The following EFNA3 variants were observed in gnomAD, a reference collection of about 807,000 sequenced individuals.
The protein encoded by EFNA3 is ephrin-A3.
In EFNA3, 15 loss-of-function variants were observed where a neutral mutation model predicts 25.0. The observed-to-expected ratio is 0.60, with a 90% confidence interval of 0.40 to 0.92. The LOEUF (loss-of-function observed/expected upper bound fraction) is 0.92, where lower values mean the gene tolerates loss of function less well. Among genes scored for constraint, EFNA3 ranks in the 40% least tolerant of loss-of-function variants. The pLI is 0.00. For synonymous variants in EFNA3, 153 were observed against 145.6 expected (o/e 1.05, Z -0.37); for missense variants, 298 against 323.8 (o/e 0.92, Z 0.61).
rs1194357621 is a variant in EFNA3, at chr1:155,080,894, G to C, written c.128+1825G>C. On this transcript the variant is annotated intron_variant, in intron 1 of 4. Coordinates refer to ENST00000368408, the MANE Select transcript of EFNA3 (RefSeq NM_004952.5). The surrounding 1 kb of genome is among the most constrained non-coding windows in gnomAD (Gnocchi z 7.0). Reference sequence around the variant, plus strand: ...GGGCCTTTGTTGCCGCTGCGCCCGGGCTCCCCGGCTCCCTCACTGCGGCAG... The same window carrying C: ...GGGCCTTTGTTGCCGCTGCGCCCGGCCTCCCCGGCTCCCTCACTGCGGCAG... 6.6e-6 allele frequency among the ~76,000 whole-genome samples: 1 copy of C among 152,182 alleles called. No individual in the cohort carries two copies. Among genetic ancestry groups the C allele is most frequent in the Non-Finnish European group, 1.5e-5 (1 of 68,006 alleles).
rs1571665428 is a variant in EFNA3 at position 155,086,694 on chromosome 1, C to G, written c.*151C>G. ...CACCATACATCTGTGTCCGCCCCCT[C>G]TACCCCTTCCCCCCACGTAGGGCAC... On this transcript the variant is annotated 3_prime_UTR_variant, in exon 5 of 5. Coordinates refer to ENST00000368408, the MANE Select transcript of EFNA3 (RefSeq NM_004952.5). 2.1e-6 allele frequency: 2 copies of G among 953,946 alleles called. No individual in the cohort carries two copies. The highest frequency in any genetic ancestry group is 1.7e-5 in the South Asian group (1 of 59,784). 59.1% of individuals were successfully genotyped at this position (953,946 alleles called of 1,614,324 possible).
chr1:155,085,620 G>A lies in EFNA3; in HGVS notation c.442+216G>A. Reference sequence around the variant, plus strand: ...GAGTTTGGTGACAGTCCCAAGTTTGGGCTGCGGAGAATCGCTGTTTCTGTG... The same window carrying A: ...GAGTTTGGTGACAGTCCCAAGTTTGAGCTGCGGAGAATCGCTGTTTCTGTG... On this transcript the variant is annotated intron_variant, in intron 2 of 4. Transcript: ENST00000368408. The surrounding 1 kb of genome is among the most constrained non-coding windows in gnomAD (Gnocchi z 4.4). 1.4e-6 allele frequency: 1 copy of A among 701,934 alleles called. No individual in the cohort carries two copies. Among genetic ancestry groups the A allele is most frequent in the Non-Finnish European group, 2.3e-6 (1 of 430,398 alleles). The allele number at this position is 701,934 out of a possible 1,614,324, so 43.5% of individuals were successfully genotyped here. A position where few individuals can be genotyped will look rare whatever the true frequency, so the allele number is the denominator to read the frequency against.
chr1:155,085,177 G>T lies in EFNA3; in HGVS notation c.215G>T (p.Gly72Val), dbSNP rs1408695450. 4 of 1,555,416 alleles carry T rather than the reference G, an allele frequency of 2.6e-6. No individual in the cohort carries two copies. Among genetic ancestry groups the T allele is most frequent in the Non-Finnish European group, 3.5e-6 (4 of 1,137,144 alleles). The change falls in exon 2 of 5, where the codon GGC becomes GTC. Residue 72 changes from glycine (G) to valine (V), a missense_variant. Gly to Val is a moderately radical substitution (Grantham distance 109). Coordinates refer to ENST00000368408, the MANE Select transcript of EFNA3 (RefSeq NM_004952.5). The surrounding 1 kb of genome is among the most constrained non-coding windows in gnomAD (Gnocchi z 4.4). Reference protein sequence around the residue: ...YCPHYNSSGVGPGAGPGPGGG... With the variant: ...YCPHYNSSGVVPGAGPGPGGG... ...CCGCACTACAACAGCTCGGGGGTGG[G>T]CCCCGGGGCGGGACCGGGGCCCGGA...
At position 155,078,861 on chromosome 1, in the gene EFNA3, G is replaced by T. The variant is rs1455128841; in HGVS notation, c.-81G>T. ...TGGCCTAAGGCTGGGGGCCGACGGC[G>T]GCGGCAGCAGGGAGCTGGGAAGCGG... On this transcript the variant is annotated 5_prime_UTR_variant, in exon 1 of 5. Coordinates refer to ENST00000368408, the MANE Select transcript of EFNA3 (RefSeq NM_004952.5). The T allele has an allele frequency of 2.3e-6, 3 of 1,301,162 alleles. No homozygotes were observed. Among genetic ancestry groups the T allele is most frequent in the African/African-American group, 1.6e-5 (1 of 63,964 alleles). The allele number at this position is 1,301,162 out of a possible 1,614,324, so 80.6% of individuals were successfully genotyped here.
At chr1:155,082,748 G>C (rs1287552097) in intron 1 of EFNA3, among the ~76,000 whole-genome samples, 1 of 152,222 alleles carries the variant, frequency 6.6e-6, no homozygotes, top group Non-Finnish European at 1.5e-5. Context: ...CCTTCCGCAG[G>C]AGGCGCGGCC....
rs569176633 is a variant in EFNA3, at chr1:155,086,563, G to T, written c.*20G>T. ...TCCTAGCTCTGCCCCCTCCCCTGGG[G>T]GGGGAGAGATGGGGCGGGGCTTGGA... On this transcript the variant is annotated 3_prime_UTR_variant, in exon 5 of 5. Transcript: ENST00000368408. 131 of 1,612,458 alleles carry T rather than the reference G, an allele frequency of 8.1e-5. 2 individuals carry two copies. In the East Asian group the frequency reaches 1.6e-3, roughly 20 times the overall value.
In EFNA3 at chr1:155,079,179, C is replaced by A; in HGVS notation, c.128+110C>A. 1 of 1,142,656 alleles carries A rather than the reference C, an allele frequency of 8.8e-7. No individual in the cohort carries two copies. Among genetic ancestry groups the A allele is most frequent in the Non-Finnish European group, 1.1e-6 (1 of 899,232 alleles). The allele number at this position is 1,142,656 out of a possible 1,614,324, so 70.8% of individuals were successfully genotyped here. On this transcript the variant is annotated intron_variant, in intron 1 of 4. Coordinates refer to ENST00000368408, the MANE Select transcript of EFNA3 (RefSeq NM_004952.5). This position sits in a 1 kb window ranked among gnomAD's most constrained non-coding sequence, Gnocchi z 7.7. The stretch of plus-strand genomic sequence containing the variant: ...GGGTGGGAGTCCTGGGAGACCAGAG[C>A]TGGGGGCTGGGAGGGGACGGAGAGG...
chr1:155,085,937 C>A lies in EFNA3; in HGVS notation c.503C>A (p.Ala168Asp). 2 of 1,610,964 alleles carry A rather than the reference C, an allele frequency of 1.2e-6. No homozygotes were observed. The highest frequency in any genetic ancestry group is 1.1e-5 in the South Asian group (1 of 90,388). ...CLRMKVFVCC[A>D]STSHSGEKPV... ...AGGATGAAGGTGTTCGTCTGCTGCG[C>A]CTCCAGTGAGTAGAATAGGCTCCGA... is the stretch of plus-strand genomic sequence containing the variant. Residue 168 changes from alanine to aspartate, a missense_variant, in exon 3 of 5, where the codon GCC becomes GAC. Coordinates refer to ENST00000368408, the MANE Select transcript of EFNA3 (RefSeq NM_004952.5). The surrounding 1 kb of genome is among the most constrained non-coding windows in gnomAD (Gnocchi z 4.4).
rs1663464957 is a variant in EFNA3 at position 155,086,489 on chromosome 1, C to T, written c.663C>T (p.His221=). 1.2e-6 allele frequency: 2 copies of T among 1,614,022 alleles called. No individual in the cohort carries two copies. The highest frequency in any genetic ancestry group is 2.7e-5 in the African/African-American group (2 of 74,930). The change falls in exon 5 of 5, where the codon CAC becomes CAT. Residue 221 remains histidine (H), a synonymous_variant. Coordinates refer to ENST00000368408, the MANE Select transcript of EFNA3 (RefSeq NM_004952.5). The stretch of plus-strand genomic sequence containing the variant: ...GCGGGACCAGCCCCAAACGGGAACA[C>T]CTGCCCCTGGCCGTGGGCATCGCCT... ...SISGTSPKRE[H]LPLAVGIAFF...
At position 155,080,941 on chromosome 1, in the gene EFNA3, G is replaced by C. The variant is rs1663331057; in HGVS notation, c.128+1872G>C. On this transcript the variant is annotated intron_variant, in intron 1 of 4. Coordinates refer to ENST00000368408, the MANE Select transcript of EFNA3 (RefSeq NM_004952.5). The surrounding 1 kb of genome is among the most constrained non-coding windows in gnomAD (Gnocchi z 7.0). ...GCAGCCGCGGCCCCATAAATCGTGA[G>C]AGCGACGTGCTCCGGAGCCGAGAAT... Among the ~76,000 whole-genome samples the C allele has an allele frequency of 6.6e-6, 1 of 152,132 alleles. No homozygotes were observed. Among genetic ancestry groups the C allele is most frequent in the African/African-American group, 2.4e-5 (1 of 41,442 alleles).
At position 155,085,095 on chromosome 1, in the gene EFNA3, C is replaced by T. The variant is rs777086374; in HGVS notation, c.133C>T (p.Arg45Trp). 2.5e-6 allele frequency: 4 copies of T among 1,613,434 alleles called. No individual in the cohort carries two copies. The East Asian group carries it at 8.9e-5, about 36-fold the overall frequency. ...VYWNSSNQHL[R>W]REGYTVQVNV... ...GCCGCTTCCTCTTCCCCACAGCCTGCGGCGAGAGGGCTACACCGTGCAGGT... is the reference window on the plus strand; with the variant it reads ...GCCGCTTCCTCTTCCCCACAGCCTGTGGCGAGAGGGCTACACCGTGCAGGT... Residue 45 changes from arginine to tryptophan, a missense_variant, in exon 2 of 5, where the codon CGG (arginine) becomes TGG (tryptophan). Arg to Trp is a moderately radical substitution (Grantham distance 101). Coordinates refer to ENST00000368408, the MANE Select transcript of EFNA3 (RefSeq NM_004952.5). The surrounding 1 kb of genome is among the most constrained non-coding windows in gnomAD (Gnocchi z 4.4).
chr1:155,082,630 TTTC>T (rs1558144818), intron 1 of EFNA3, among the ~76,000 whole-genome samples: 1 of 152,138 alleles, frequency 6.6e-6, no homozygotes, highest in African/African-American at 2.4e-5. Flanking sequence ...GGCATTCGCC[TTTC>T]TGCAAGAGAG....
chr1:155,085,213 A>G lies in EFNA3; in HGVS notation c.251A>G (p.Glu84Gly), dbSNP rs759262433. The part of the protein sequence containing the change: ...GAGPGPGGGA[E>G]QYVLYMVSRN... ...GGACCGGGGCCCGGAGGCGGGGCAGAGCAGTACGTGCTGTACATGGTGAGC... is the reference window on the plus strand; with the variant it reads ...GGACCGGGGCCCGGAGGCGGGGCAGGGCAGTACGTGCTGTACATGGTGAGC... Residue 84 changes from glutamate (E) to glycine (G), a missense_variant, in exon 2 of 5, where the codon GAG becomes GGG. Transcript: ENST00000368408. This position sits in a 1 kb window ranked among gnomAD's most constrained non-coding sequence, Gnocchi z 4.4. The G allele has an allele frequency of 6.8e-6, 11 of 1,612,836 alleles. No individual in the cohort carries two copies. The highest frequency in any genetic ancestry group is 8.5e-6 in the Non-Finnish European group (10 of 1,179,828).
At position 155,085,350 on chromosome 1, in the gene EFNA3, A is replaced by G; in HGVS notation, c.388A>G (p.Ser130Gly). The G allele has an allele frequency of 6.2e-7, 1 of 1,612,650 alleles. No homozygotes were observed. Among genetic ancestry groups the G allele is most frequent in the Non-Finnish European group, 8.5e-7 (1 of 1,179,324 alleles). Residue 130 changes from serine (S) to glycine (G), a missense_variant, in exon 2 of 5, where the codon AGC (serine) becomes GGC (glycine). Ser to Gly is a moderately conservative substitution (Grantham distance 56). Coordinates refer to ENST00000368408, the MANE Select transcript of EFNA3 (RefSeq NM_004952.5). This position sits in a 1 kb window ranked among gnomAD's most constrained non-coding sequence, Gnocchi z 4.4. ...GTTCTCGGAGAAGTTCCAGCGCTAC[A>G]GCGCCTTCTCTCTGGGCTACGAGTT... Reference protein sequence around the residue: ...IKFSEKFQRYSAFSLGYEFHA... With the variant: ...IKFSEKFQRYGAFSLGYEFHA...
At position 155,080,441 on chromosome 1, in the gene EFNA3, T is replaced by A. The variant is rs529859232; in HGVS notation, c.128+1372T>A. On this transcript the variant is annotated intron_variant, in intron 1 of 4. Transcript: ENST00000368408. The surrounding 1 kb of genome is among the most constrained non-coding windows in gnomAD (Gnocchi z 7.0). ...ACCTCGGGGGTGGGGACGTGGCCCC[T>A]CCCCCCCGGAGCGGGACTCCAAGAA... Among the ~76,000 whole-genome samples, 1 of 150,936 alleles carries A rather than the reference T, an allele frequency of 6.6e-6. No individual in the cohort carries two copies. Among genetic ancestry groups the A allele is most frequent in the Admixed American group, 6.6e-5 (1 of 15,236 alleles).
chr1:155,083,665 A>T (rs1663385388), intron 1 of EFNA3, among the ~76,000 whole-genome samples: 1 of 152,100 alleles, frequency 6.6e-6, no homozygotes, highest in Non-Finnish European at 1.5e-5. Context: ...AAGTGGGGTC[A>T]GGGGGGAGGG....
rs1373909166 is a variant in EFNA3 at position 155,085,314 on chromosome 1, A to G, written c.352A>G (p.Ser118Gly). 6.2e-7 allele frequency: 1 copy of G among 1,613,166 alleles called. No individual in the cohort carries two copies. The highest frequency in any genetic ancestry group is 8.5e-7 in the Non-Finnish European group (1 of 1,179,622). Residue 118 changes from serine to glycine, a missense_variant, in exon 2 of 5, where the codon AGC (serine) becomes GGC (glycine). Ser to Gly is a moderately conservative substitution (Grantham distance 56). Coordinates refer to ENST00000368408, the MANE Select transcript of EFNA3 (RefSeq NM_004952.5). The surrounding 1 kb of genome is among the most constrained non-coding windows in gnomAD (Gnocchi z 4.4). ...GTGCAACCGGCCGCACGCCCCGCAC[A>G]GCCCCATCAAGTTCTCGGAGAAGTT... ...WECNRPHAPH[S>G]PIKFSEKFQR...
intron 1 of EFNA3, among the ~76,000 whole-genome samples, chr1:155,083,969 C>A (rs1369959291): frequency 2.6e-5 from 4 of 152,206 alleles, no homozygotes; most frequent in Non-Finnish European, 5.9e-5. Flanking sequence ...TTTCTCCATC[C>A]CCACACCGCT....
At position 155,081,304 on chromosome 1, in the gene EFNA3, A is replaced by G. The variant is rs749786771; in HGVS notation, c.128+2235A>G. 6.6e-6 allele frequency among the ~76,000 whole-genome samples: 1 copy of G among 152,320 alleles called. No homozygotes were observed. The highest frequency in any genetic ancestry group is 2.1e-4 in the South Asian group (1 of 4,830). On this transcript the variant is annotated intron_variant, in intron 1 of 4. Transcript: ENST00000368408. The surrounding 1 kb of genome is among the most constrained non-coding windows in gnomAD (Gnocchi z 5.2). ...GGGATGGGGGGACTGTATTGGAGCG[A>G]TGCATTAGAGTATGAGGTCGAGGAG... is the stretch of plus-strand genomic sequence containing the variant.
Sources: allele counts gnomAD v4.1 joint callset (sites outside exome capture counted in the v4.1 genomes callset), GRCh38; gene constraint gnomAD v4.1.1; non-coding constraint Gnocchi (gnomAD v3.1); transcripts MANE v1.5; gene names NCBI Gene and HGNC (gene_info 2026-07-23, HGNC 2026-07-21).